NKAIN3: variants seen among roughly 807,000 people sequenced by gnomAD.
NKAIN3 encodes the protein sodium/potassium-transporting ATPase subunit beta-1-interacting protein 3.
In NKAIN3, 25 loss-of-function variants were observed where a neutral mutation model predicts 30.2. That is an observed-to-expected ratio of 0.83 (90% CI 0.60 to 1.16). NKAIN3 has a LOEUF of 1.16. NKAIN3 is among the 50% of genes most tolerant of loss of function. The probability of loss-of-function intolerance (pLI) is 0.00; values close to 1 mark genes in which losing one functional copy is unlikely to be tolerated. For missense variants in NKAIN3, 225 were observed against 254.1 expected (o/e 0.89, Z 0.78); for synonymous variants, 91 against 89.6 (o/e 1.02, Z -0.09).
At chr8:62,747,244 G>T in intron 4 of NKAIN3, 115 bp downstream of exon 4, 1 of 442,396 alleles carries the variant, frequency 2.3e-6, no homozygotes, top group Non-Finnish European at 3.6e-6. Flanking sequence ...ACATCCAACA[G>T]AAATAGAAGC....
chr8:62,777,366 G>A (rs1817224024), intron 4 of NKAIN3, among the ~76,000 whole-genome samples: 1 of 151,906 alleles, frequency 6.6e-6, no homozygotes, highest in South Asian at 2.1e-4. Flanking sequence ...TTATCTTGTA[G>A]ATGTGCTTCA....
intron 4 of NKAIN3, among the ~76,000 whole-genome samples, chr8:62,808,958 G>A (rs4260886): frequency 0.094 from 14,321 of 152,140 alleles, 693 homozygotes; most frequent in African/African-American, 0.1. Flanking sequence ...TCCCTTATCT[G>A]CAACTGTATA....
chr8:62,855,900 C>T, intron 4 of NKAIN3: 1 of 764,390 alleles, frequency 1.3e-6, no homozygotes, highest in South Asian at 1.4e-5. Flanking sequence ...AGAGATGTTC[C>T]TGCGGGGTGT....
At chr8:62,266,166 C>A (rs903544432) in intron 1 of NKAIN3, among the ~76,000 whole-genome samples, 1 of 152,124 alleles carries the variant, frequency 6.6e-6, no homozygotes, top group Non-Finnish European at 1.5e-5. Context: ...GGACCCCTCT[C>A]CTGGCCTTAC....
intron 1 of NKAIN3, among the ~76,000 whole-genome samples, chr8:62,309,534 T>G (rs981270825): frequency 1.3e-5 from 2 of 150,434 alleles, no homozygotes; most frequent in Non-Finnish European, 2.9e-5. Flanking sequence ...GGTTCTAAGT[T>G]ATATTTCAAA....
intron 3 of NKAIN3, among the ~76,000 whole-genome samples, chr8:62,645,222 A>G (rs1363742222): frequency 2.0e-5 from 3 of 152,146 alleles, no homozygotes; most frequent in Non-Finnish European, 4.4e-5. Flanking sequence ...GCAGGAAAAT[A>G]AGGATAGTTC....
intron 4 of NKAIN3, among the ~76,000 whole-genome samples, chr8:62,872,592 C>T (rs58497936): frequency 0.044 from 6,633 of 152,196 alleles, 436 homozygotes; most frequent in African/African-American, 0.14. Context: ...CATTGTGTTA[C>T]CATTGTGTGA....
At chr8:62,802,685 GC>G (rs985920059) in intron 4 of NKAIN3, among the ~76,000 whole-genome samples, 64 of 152,264 alleles carry the variant, frequency 4.2e-4, no homozygotes, top group African/African-American at 1.3e-3. Context: ...GACCATCGAG[GC>G]TAGGAAGAAA....
chr8:62,283,804 A>C (rs1563918409), intron 1 of NKAIN3, among the ~76,000 whole-genome samples: 1 of 152,124 alleles, frequency 6.6e-6, no homozygotes, highest in Non-Finnish European at 1.5e-5. Context: ...TAGGTGATAC[A>C]TGGACAAATA....
chr8:62,467,571 T>C (rs370723843), intron 1 of NKAIN3, among the ~76,000 whole-genome samples: 2 of 152,206 alleles, frequency 1.3e-5, no homozygotes, highest in African/African-American at 2.4e-5. Flanking sequence ...AATTTTTTAC[T>C]GTTTAGAATT....
chr8:62,747,214 C>A, intron 4 of NKAIN3, 85 bp downstream of exon 4: 1 of 753,648 alleles, frequency 1.3e-6, no homozygotes, highest in Non-Finnish European at 2.2e-6. Flanking sequence ...TAGAAAATGC[C>A]ACAGATAAGC....
intron 5 of NKAIN3, among the ~76,000 whole-genome samples, chr8:62,994,832 C>A (rs1418218657): frequency 6.6e-6 from 1 of 152,108 alleles, no homozygotes; most frequent in Non-Finnish European, 1.5e-5. Flanking sequence ...CATGGAAAAT[C>A]AGACTCTGCT....
intron 1 of NKAIN3, among the ~76,000 whole-genome samples, chr8:62,519,106 T>C (rs899846779): frequency 3.3e-5 from 5 of 152,300 alleles, no homozygotes; most frequent in Admixed American, 1.3e-4. Context: ...AAAAAGAAGT[T>C]GGAGACACAG....
chr8:62,709,248 G>A (rs1010965784), intron 3 of NKAIN3, among the ~76,000 whole-genome samples: 5 of 152,106 alleles, frequency 3.3e-5, no homozygotes, highest in Non-Finnish European at 7.4e-5. Context: ...AATGAATTAG[G>A]CAGGATTCCT....
intron 3 of NKAIN3, among the ~76,000 whole-genome samples, chr8:62,712,283 C>G (rs1429407681): frequency 1.3e-5 from 2 of 152,104 alleles, no homozygotes; most frequent in Non-Finnish European, 2.9e-5. Context: ...TGGCAGTGGG[C>G]AGGGCCCTAG....
At chr8:62,862,603 A>T (rs201967221) in intron 4 of NKAIN3, among the ~76,000 whole-genome samples, 19 of 152,270 alleles carry the variant, frequency 1.2e-4, no homozygotes, top group East Asian at 9.6e-4. Context: ...AAATCATTTT[A>T]AAAAAATTTA....
In NKAIN3 at chr8:62,416,041, C is replaced by A. The variant is rs541168277; in HGVS notation, c.55-163498C>A. Among the ~76,000 whole-genome samples, 9 of 152,224 alleles carry A rather than the reference C, an allele frequency of 5.9e-5. No homozygotes were observed. In the South Asian group the frequency reaches 1.9e-3, roughly 32 times the overall value. ...AAAGTGCTGGGATTACAGGCGTGAG[C>A]CACCACGCCTGGCCTAAGAATTATT... On this transcript the variant is annotated intron_variant, in intron 1 of 6. Coordinates refer to ENST00000623646, the MANE Select transcript of NKAIN3 (RefSeq NM_001304533.3).
intron 1 of NKAIN3, among the ~76,000 whole-genome samples, chr8:62,501,783 T>G (rs555146105): frequency 6.6e-6 from 1 of 152,306 alleles, no homozygotes; most frequent in South Asian, 2.1e-4. Context: ...TTACATTTCC[T>G]GTGTATAAGT....
At chr8:62,730,782 A>G (rs1464225032) in intron 3 of NKAIN3, among the ~76,000 whole-genome samples, 2 of 152,206 alleles carry the variant, frequency 1.3e-5, no homozygotes, top group Non-Finnish European at 2.9e-5. Context: ...CAAAAGCAAA[A>G]TAAATTCTTC....
Sources: allele counts gnomAD v4.1 joint callset (sites outside exome capture counted in the v4.1 genomes callset), GRCh38; gene constraint gnomAD v4.1.1; transcripts MANE v1.5; gene names NCBI Gene and HGNC (gene_info 2026-07-23, HGNC 2026-07-21).